KMT2D: variants seen among roughly 807,000 people sequenced by gnomAD.
KMT2D encodes the protein histone-lysine N-methyltransferase 2D.
In KMT2D, 55 loss-of-function variants were observed where a neutral mutation model predicts 512.7. The ratio of observed to expected loss-of-function variants is 0.11; its 90% confidence interval spans 0.09 to 0.13. The LOEUF is 0.13. Among genes scored for constraint, KMT2D ranks in the 10% least tolerant of loss-of-function variants. The pLI is 1.00. For missense variants in KMT2D, 6,061 were observed against 7,127.9 expected (o/e 0.85, Z 5.39); for synonymous variants, 2,995 against 2,904.0 (o/e 1.03, Z -1.01).
In KMT2D at chr12:49,033,700, CAGG is replaced by C; in HGVS notation, c.11002_11004del (p.Pro3668del). On this transcript the variant is annotated inframe_deletion, in exon 40 of 55. Transcript: ENST00000301067. ...AGAGCTGTATTAAGGAAGGGGCCAC[CAGG>C]CTGTCCAGGTAGTGCCATACCCCCA... The C allele has an allele frequency of 6.2e-7, 1 of 1,613,678 alleles. No individual in the cohort carries two copies. Among genetic ancestry groups the C allele is most frequent in the Non-Finnish European group, 8.5e-7 (1 of 1,179,876 alleles).
In KMT2D at chr12:49,024,542, C is replaced by T; in HGVS notation, c.16052+36G>A. 1 of 1,576,776 alleles carries T rather than the reference C, an allele frequency of 6.3e-7. No homozygotes were observed. The highest frequency in any genetic ancestry group is 8.6e-7 in the Non-Finnish European group (1 of 1,159,120). Reference sequence around the variant, plus strand: ...ACCAGAGGATCCCTGTCAACACCCACACCCACATCCCTTGGCTCCAGCATC... The same window carrying T: ...ACCAGAGGATCCCTGTCAACACCCATACCCACATCCCTTGGCTCCAGCATC... On this transcript the variant is annotated intron_variant, in intron 51 of 54. Coordinates refer to ENST00000301067, the MANE Select transcript of KMT2D (RefSeq NM_003482.4). The surrounding 1 kb of genome is among the most constrained non-coding windows in gnomAD (Gnocchi z 4.5).
rs1458393564 is a variant in KMT2D, at chr12:49,026,259, T to C, written c.15707A>G (p.Asn5236Ser). The change falls in exon 49 of 55, where the codon AAC becomes AGC. Residue 5236 changes from asparagine (N) to serine (S), a missense_variant. Asn to Ser is a conservative substitution (Grantham distance 46). Transcript: ENST00000301067. The surrounding 1 kb of genome is among the most constrained non-coding windows in gnomAD (Gnocchi z 9.6). ...TTTGATTACAAACTCCGGCCGCCCG[T>C]TGTTCTCACCAATAGAACAGCGATA... is the stretch of plus-strand genomic sequence containing the variant. ...CCYRCSIGEN[N>S]GRPEFVIKVI... 9 of 1,606,844 alleles carry C rather than the reference T, an allele frequency of 5.6e-6. No homozygotes were observed. Among genetic ancestry groups the C allele is most frequent in the East Asian group, 2.2e-5 (1 of 44,678 alleles).
chr12:49,021,015 A>G lies in KMT2D; in HGVS notation c.*765T>C. On this transcript the variant is annotated 3_prime_UTR_variant, in exon 55 of 55. Coordinates refer to ENST00000301067, the MANE Select transcript of KMT2D (RefSeq NM_003482.4). ...CCCTTCCACCCACTCAGAAGAGGGC[A>G]GTGAGGTGGGGGAGAGGGTTGGGGC... 1 of 193,986 alleles carries G rather than the reference A, an allele frequency of 5.2e-6. No individual in the cohort carries two copies. Among genetic ancestry groups the G allele is most frequent in the Non-Finnish European group, 1.1e-5 (1 of 92,972 alleles). The allele number at this position is 193,986 out of a possible 1,614,324, so 12.0% of individuals were successfully genotyped here.
chr12:49,042,513 G>C lies in KMT2D; in HGVS notation c.5867+48C>G, dbSNP rs769831046. ...AGGCAAAGCATGAACTCAGATGGAGGGAAAGGACAACGAGGACTGCCCACA... is the reference window on the plus strand; with the variant it reads ...AGGCAAAGCATGAACTCAGATGGAGCGAAAGGACAACGAGGACTGCCCACA... On this transcript the variant is annotated intron_variant, in intron 28 of 54. Coordinates refer to ENST00000301067, the MANE Select transcript of KMT2D (RefSeq NM_003482.4). The surrounding 1 kb of genome is among the most constrained non-coding windows in gnomAD (Gnocchi z 4.4). The C allele has an allele frequency of 1.9e-6, 3 of 1,588,856 alleles. No homozygotes were observed. Among genetic ancestry groups the C allele is most frequent in the African/African-American group, 1.3e-5 (1 of 74,434 alleles).
Position 49,037,781 on chromosome 12 carries a change from G to T in KMT2D, c.9575C>A (p.Pro3192Gln). Reference sequence around the variant, plus strand: ...TGGGCTGGGGGTCAGCAGGTGAGCTGGTGGTCCTCCCGTGGCCCCAAAGGA... The same window carrying T: ...TGGGCTGGGGGTCAGCAGGTGAGCTTGTGGTCCTCCCGTGGCCCCAAAGGA... ...KASFGATGGP[P>Q]AHLLTPSPLS... is the part of the protein sequence containing the mutation. The change falls in exon 35 of 55, where the codon CCA becomes CAA. Residue 3192 changes from proline to glutamine, a missense_variant. Coordinates refer to ENST00000301067, the MANE Select transcript of KMT2D (RefSeq NM_003482.4). 1 of 1,596,108 alleles carries T rather than the reference G, an allele frequency of 6.3e-7. No individual in the cohort carries two copies. Among genetic ancestry groups the T allele is most frequent in the Non-Finnish European group, 8.5e-7 (1 of 1,171,116 alleles).
chr12:49,019,122 T>G lies in KMT2D; in HGVS notation c.*2658A>C, dbSNP rs1040464745. On this transcript the variant is annotated 3_prime_UTR_variant, in exon 55 of 55. Transcript: ENST00000301067. ...CAAAACATGCCAAGGACAGGGGCGC[T>G]GAGGGTGGAGGGAGAGAGGGCGCTT... 8.6e-7 allele frequency: 1 copy of G among 1,157,882 alleles called. No homozygotes were observed. Among genetic ancestry groups the G allele is most frequent in the Admixed American group, 4.6e-5 (1 of 21,928 alleles). 71.7% of individuals were successfully genotyped at this position (1,157,882 alleles called of 1,614,324 possible).
intron 10 of KMT2D, 60 bp from the exon 11 acceptor site, chr12:49,052,484 G>C (rs530760656): frequency 6.1e-5 from 95 of 1,561,094 alleles, no homozygotes; most frequent in Non-Finnish European, 7.9e-5. Flanking sequence ...AGAAAGTGTG[G>C]GGTCTGGGGC....
At position 49,040,653 on chromosome 12, in the gene KMT2D, A is replaced by C. The variant is rs1442137943; in HGVS notation, c.7117T>G (p.Ser2373Ala). Residue 2373 changes from serine to alanine, a missense_variant, in exon 32 of 55, where the codon TCC (serine) becomes GCC (alanine). Around this residue, in one of 16 missense-constraint regions of KMT2D, gnomAD observed 710 missense variants for 647.3 expected, o/e 1.10. Transcript: ENST00000301067. ...GGCTGAGCATATGGGTCAGTGTAGG[A>C]GCCAGGGCGAAAGATGTCTGGGTGA... Reference protein sequence around the residue: ...PSHPDIFRPGSYTDPYAQPPL... With the variant: ...PSHPDIFRPGAYTDPYAQPPL... The C allele has an allele frequency of 1.2e-6, 2 of 1,613,522 alleles. No homozygotes were observed. Among genetic ancestry groups the C allele is most frequent in the Non-Finnish European group, 1.7e-6 (2 of 1,179,780 alleles).
Position 49,050,006 on chromosome 12 carries a change from G to A in KMT2D, c.3582C>T (p.Pro1194=), listed in dbSNP as rs1473745079. 6.2e-7 allele frequency: 1 copy of A among 1,613,872 alleles called. No individual in the cohort carries two copies. The change falls in exon 12 of 55, where the codon CCC becomes CCT. Residue 1194 remains proline (P), a synonymous_variant. Transcript: ENST00000301067. ...EQEEPRAPVA[P]TPPTLIKSDI... is the part of the protein sequence containing the mutation. The stretch of plus-strand genomic sequence containing the variant: ...CGGATTTGATGAGAGTGGGTGGTGT[G>A]GGGGCCACCGGTGCACGTGGCTCTT...
Position 49,046,870 on chromosome 12 carries a change from A to C in KMT2D, c.4237-80T>G, listed in dbSNP as rs143672021. On this transcript the variant is annotated intron_variant, in intron 15 of 54. Transcript: ENST00000301067. This position sits in a 1 kb window ranked among gnomAD's most constrained non-coding sequence, Gnocchi z 4.2. Reference sequence around the variant, plus strand: ...TCTTTTTATTTTTTTTTGGAGATGGAGTTTTGCTCTTGTTCCCCAGGCTGG... The same window carrying C: ...TCTTTTTATTTTTTTTTGGAGATGGCGTTTTGCTCTTGTTCCCCAGGCTGG... 398 of 1,351,104 alleles carry C rather than the reference A, an allele frequency of 2.9e-4. No homozygotes were observed. In the African/African-American group the frequency reaches 5.2e-3, roughly 17 times the overall value. 83.7% of individuals were successfully genotyped at this position (1,351,104 alleles called of 1,614,324 possible). A position where few individuals can be genotyped will look rare whatever the true frequency, so the allele number is the denominator to read the frequency against.
chr12:49,028,795 T>C (rs1942740634), intron 46 of KMT2D, 33 bp downstream of exon 46: 1 of 1,610,294 alleles, frequency 6.2e-7, no homozygotes, highest in Admixed American at 1.7e-5. Flanking sequence ...CTGATCAGGT[T>C]CCCCTCAGCC....
rs187278562 is a variant in KMT2D at position 49,038,042 on chromosome 12, T to A, written c.9314A>T (p.Asp3105Val). ...AGATGCCAGGCGGGGTTCAGAGGCA[T>A]CAGCAGCAGGGGGAGGGCGCTCCTC... is the stretch of plus-strand genomic sequence containing the variant. Reference protein sequence around the residue: ...GPEERPPPAADASEPRLASVL... With the variant: ...GPEERPPPAAVASEPRLASVL... The change falls in exon 35 of 55, where the codon GAT becomes GTT. Residue 3105 changes from aspartate to valine, a missense_variant. Physicochemically the swap from Asp to Val is radical, Grantham distance 152. This residue lies in a region of KMT2D where 533 missense variants were observed against 539.6 expected (regional missense o/e 0.99). Coordinates refer to ENST00000301067, the MANE Select transcript of KMT2D (RefSeq NM_003482.4). This position sits in a 1 kb window ranked among gnomAD's most constrained non-coding sequence, Gnocchi z 5.7. The A allele has an allele frequency of 6.2e-7, 1 of 1,611,680 alleles. No homozygotes were observed. Among genetic ancestry groups the A allele is most frequent in the African/African-American group, 1.3e-5 (1 of 75,006 alleles).
chr12:49,031,152 T>C (rs1345917334), intron 40 of KMT2D, 23 bp downstream of exon 40: 45 of 1,606,262 alleles, frequency 2.8e-5, no homozygotes, highest in Non-Finnish European at 3.7e-5. Flanking sequence ...CTCTACCTGC[T>C]CCACTCTACT....
rs558264818 is a variant in KMT2D at position 49,042,927 on chromosome 12, GACACCACAGGTC to G, written c.5645-61_5645-50del. 593 of 1,609,550 alleles carry G rather than the reference GACACCACAGGTC, an allele frequency of 3.7e-4. 2 individuals are homozygous for G. In the African/African-American group the frequency reaches 6.7e-3, roughly 18 times the overall value. On this transcript the variant is annotated intron_variant, in intron 26 of 54. Coordinates refer to ENST00000301067, the MANE Select transcript of KMT2D (RefSeq NM_003482.4). This position sits in a 1 kb window ranked among gnomAD's most constrained non-coding sequence, Gnocchi z 4.4. ...TTGAGGAAGACTGGGAAGTTCAGGTGACACCACAGGTCTACAAATGATCATGGCCAGGAACAG... is the reference window on the plus strand; with the variant it reads ...TTGAGGAAGACTGGGAAGTTCAGGTGTACAAATGATCATGGCCAGGAACAG...
At chr12:49,030,504 C>T in intron 42 of KMT2D, 65 bp from the exon 43 acceptor site, 1 of 1,420,884 alleles carries the variant, frequency 7.0e-7, no homozygotes, top group East Asian at 2.4e-5. Context: ...AATCTCCTGG[C>T]CCCACTCTAC....
chr12:49,041,775 T>C lies in KMT2D; in HGVS notation c.6184-70A>G. ...ATGCCCCGCCCCCATACTGTAGTGT[T>C]TTCACACTCCCTACCCAGAAGCAGA... On this transcript the variant is annotated intron_variant, in intron 30 of 54. Coordinates refer to ENST00000301067, the MANE Select transcript of KMT2D (RefSeq NM_003482.4). This position sits in a 1 kb window ranked among gnomAD's most constrained non-coding sequence, Gnocchi z 5.4. The C allele has an allele frequency of 1.9e-6, 3 of 1,549,410 alleles. No homozygotes were observed. Among genetic ancestry groups the C allele is most frequent in the East Asian group, 2.4e-5 (1 of 42,092 alleles).
Position 49,041,447 on chromosome 12 carries a change from G to A in KMT2D, c.6323C>T (p.Pro2108Leu), listed in dbSNP as rs774739665. Residue 2108 changes from proline (P) to leucine (L), a missense_variant, in exon 32 of 55, where the codon CCG (proline) becomes CTG (leucine). Around this residue, in one of 16 missense-constraint regions of KMT2D, gnomAD observed 710 missense variants for 647.3 expected, o/e 1.10. Transcript: ENST00000301067. This position sits in a 1 kb window ranked among gnomAD's most constrained non-coding sequence, Gnocchi z 5.4. The stretch of plus-strand genomic sequence containing the variant: ...CGGGCTGCCCAGTGCCCCTGGCTGC[G>A]GGGGAATGCGGAGATGTAGGGCCGG... ...DRPALHLRIP[P>L]QPGALGSPPP... 81 of 1,612,050 alleles carry A rather than the reference G, an allele frequency of 5.0e-5. No homozygotes were observed. Among genetic ancestry groups the A allele is most frequent in the Middle Eastern group, 3.3e-4 (2 of 6,076 alleles).
chr12:49,020,776 G>C lies in KMT2D; in HGVS notation c.*1004C>G, dbSNP rs1042540034. 1 of 206,532 alleles carries C rather than the reference G, an allele frequency of 4.8e-6. No individual in the cohort carries two copies. The highest frequency in any genetic ancestry group is 9.9e-6 in the Non-Finnish European group (1 of 100,814). 12.8% of individuals were successfully genotyped at this position (206,532 alleles called of 1,614,324 possible). On this transcript the variant is annotated 3_prime_UTR_variant, in exon 55 of 55. Transcript: ENST00000301067. ...CGTCCAGGGGCTGGAGGGCAAACAG[G>C]CTCATGATGAGGTTGGGAAAACAGG...
At position 49,051,165 on chromosome 12, in the gene KMT2D, G is replaced by T. The variant is rs757142861; in HGVS notation, c.2518C>A (p.Pro840Thr). 3 of 1,513,594 alleles carry T rather than the reference G, an allele frequency of 2.0e-6. No individual in the cohort carries two copies. Among genetic ancestry groups the T allele is most frequent in the Non-Finnish European group, 2.7e-6 (3 of 1,128,116 alleles). The allele number at this position is 1,513,594 out of a possible 1,614,324, so 93.8% of individuals were successfully genotyped here. ...ESHLSPQSEE[P>T]CLSPRPEESH... ...TCCTCAGGCCGGGGGGACAGGCATG[G>T]CTCCTCAGACTGGGGGGACAGGTGT... The change falls in exon 11 of 55, where the codon CCA becomes ACA. Residue 840 changes from proline to threonine, a missense_variant. By Grantham distance (38) the Pro-to-Thr change is conservative. This residue lies in a region of KMT2D where 848 missense variants were observed against 838.5 expected (regional missense o/e 1.01). Coordinates refer to ENST00000301067, the MANE Select transcript of KMT2D (RefSeq NM_003482.4).
Sources: gnomAD v4.1 joint callset for allele counts on GRCh38, gnomAD v4.1.1 for gene constraint, gnomAD v4.1.1 regional missense constraint, Gnocchi (gnomAD v3.1) non-coding constraint, MANE v1.5 for transcripts, NCBI Gene and HGNC (gene_info 2026-07-23, HGNC 2026-07-21) for gene names.